AGAP1: variants seen among roughly 807,000 people sequenced by gnomAD.
The protein encoded by AGAP1 is ArfGAP with GTPase domain, ankyrin repeat and PH domain 1.
In AGAP1, 29 loss-of-function variants were observed where a neutral mutation model predicts 105.3. The observed-to-expected ratio is 0.28, with a 90% confidence interval of 0.21 to 0.38. The LOEUF (loss-of-function observed/expected upper bound fraction) is 0.38, where lower values mean the gene tolerates loss of function less well. Ranked by LOEUF, AGAP1 falls within the 10% of genes least tolerant of loss-of-function variation. The pLI, the probability that AGAP1 is intolerant of heterozygous loss-of-function variation, is 1.00. For missense variants in AGAP1, 998 were observed against 1,165.1 expected (o/e 0.86, Z 2.09); for synonymous variants, 509 against 485.9 (o/e 1.05, Z -0.63).
At chr2:235,756,020 A>G (rs6731935) in intron 6 of AGAP1, among the ~76,000 whole-genome samples, 2,552 of 152,336 alleles carry the variant, frequency 0.017, 70 homozygotes, top group African/African-American at 0.055. Flanking sequence ...TATAGGTAGC[A>G]ACAGGGCCCC....
rs1048212465 is a variant in AGAP1 at position 235,747,495 on chromosome 2, G to A, written c.538+2656G>A. Reference sequence around the variant, plus strand: ...GCCCTCCCGGGGTGAGCAGGTAAGCGGGCCCCATGCCCTCCCTGCAGGACT... The same window carrying A: ...GCCCTCCCGGGGTGAGCAGGTAAGCAGGCCCCATGCCCTCCCTGCAGGACT... On this transcript the variant is annotated intron_variant, in intron 5 of 17. Transcript: ENST00000304032. The surrounding 1 kb of genome is among the most constrained non-coding windows in gnomAD (Gnocchi z 5.0). 1.3e-5 allele frequency among the ~76,000 whole-genome samples: 2 copies of A among 151,832 alleles called. No homozygotes were observed. The highest frequency in any genetic ancestry group is 2.4e-5 in the African/African-American group (1 of 41,220).
chr2:236,062,918 C>T lies in AGAP1; in HGVS notation c.2114+13637C>T, dbSNP rs2058241226. On this transcript the variant is annotated intron_variant, in intron 16 of 17. Transcript: ENST00000304032. The surrounding 1 kb of genome is among the most constrained non-coding windows in gnomAD (Gnocchi z 4.2). ...CTCATGATCCACCCACCTTGGCCTCCCAGAGTGCTGGGATTACAAGTATGA... is the reference window on the plus strand; with the variant it reads ...CTCATGATCCACCCACCTTGGCCTCTCAGAGTGCTGGGATTACAAGTATGA... Among the ~76,000 whole-genome samples the T allele has an allele frequency of 6.6e-6, 1 of 151,994 alleles. No individual in the cohort carries two copies. Among genetic ancestry groups the T allele is most frequent in the Non-Finnish European group, 1.5e-5 (1 of 68,006 alleles).
intron 1 of AGAP1, among the ~76,000 whole-genome samples, chr2:235,673,643 C>G (rs1948562995): frequency 6.6e-6 from 1 of 152,166 alleles, no homozygotes; most frequent in Non-Finnish European, 1.5e-5. Context: ...AAAAGAAGTT[C>G]CATTCTCAGA....
At chr2:235,974,957 T>C (rs1396841583) in intron 13 of AGAP1, among the ~76,000 whole-genome samples, 3 of 152,210 alleles carry the variant, frequency 2.0e-5, no homozygotes, top group Non-Finnish European at 4.4e-5. Flanking sequence ...AACGAGGATG[T>C]CAGGCAGAAT....
chr2:235,589,599 C>A (rs538617551), intron 1 of AGAP1, among the ~76,000 whole-genome samples: 1 of 152,132 alleles, frequency 6.6e-6, no homozygotes, highest in African/African-American at 2.4e-5. Flanking sequence ...GGACCATGTC[C>A]GCTCTAGGTG....
At position 236,109,018 on chromosome 2, in the gene AGAP1, C is replaced by G. The variant is rs531749918; in HGVS notation, c.2115-11174C>G. Among the ~76,000 whole-genome samples, 1 of 152,226 alleles carries G rather than the reference C, an allele frequency of 6.6e-6. No individual in the cohort carries two copies. Among genetic ancestry groups the G allele is most frequent in the Admixed American group, 6.5e-5 (1 of 15,290 alleles). On this transcript the variant is annotated intron_variant, in intron 16 of 17. Coordinates refer to ENST00000304032, the MANE Select transcript of AGAP1 (RefSeq NM_001037131.3). The surrounding 1 kb of genome is among the most constrained non-coding windows in gnomAD (Gnocchi z 5.4). ...CTTCCCTGCCAGGACCAAAACACAGCTGATGGTGGCTGTGTGAGACCTCAT... is the reference window on the plus strand; with the variant it reads ...CTTCCCTGCCAGGACCAAAACACAGGTGATGGTGGCTGTGTGAGACCTCAT...
intron 12 of AGAP1, among the ~76,000 whole-genome samples, chr2:235,949,206 C>T (rs1300121165): frequency 6.6e-6 from 1 of 152,144 alleles, no homozygotes; most frequent in Non-Finnish European, 1.5e-5. Flanking sequence ...TCCCTAAACC[C>T]AAAATCCAAA....
rs968935215 is a variant in AGAP1, at chr2:235,927,077, G to A, written c.1325-3688G>A. Among the ~76,000 whole-genome samples the A allele has an allele frequency of 6.6e-6, 1 of 152,164 alleles. No individual in the cohort carries two copies. The highest frequency in any genetic ancestry group is 2.4e-5 in the African/African-American group (1 of 41,424). Reference sequence around the variant, plus strand: ...TGATTGAAAGTTTCACCTTTATCACGGTTTGTCCATGTATACACCTTGATG... The same window carrying A: ...TGATTGAAAGTTTCACCTTTATCACAGTTTGTCCATGTATACACCTTGATG... On this transcript the variant is annotated intron_variant, in intron 11 of 17. Coordinates refer to ENST00000304032, the MANE Select transcript of AGAP1 (RefSeq NM_001037131.3). This position sits in a 1 kb window ranked among gnomAD's most constrained non-coding sequence, Gnocchi z 4.4.
chr2:236,023,880 C>G (rs947450937), intron 13 of AGAP1, among the ~76,000 whole-genome samples: 2 of 152,176 alleles, frequency 1.3e-5, no homozygotes, highest in African/African-American at 4.8e-5. Flanking sequence ...AGAACCTCCT[C>G]TCTCCCCAGG....
rs1394357724 is a variant in AGAP1 at position 235,866,937 on chromosome 2, A to G, written c.1051-16408A>G. Among the ~76,000 whole-genome samples the G allele has an allele frequency of 6.6e-6, 1 of 152,222 alleles. No homozygotes were observed. The highest frequency in any genetic ancestry group is 1.5e-5 in the Non-Finnish European group (1 of 68,036). Reference sequence around the variant, plus strand: ...AGGCCCTGACTCCAAATAGAGTCACATCGTGAGTGCTGGGCGTTAGGATCT... The same window carrying G: ...AGGCCCTGACTCCAAATAGAGTCACGTCGTGAGTGCTGGGCGTTAGGATCT... On this transcript the variant is annotated intron_variant, in intron 9 of 17. Coordinates refer to ENST00000304032, the MANE Select transcript of AGAP1 (RefSeq NM_001037131.3). This position sits in a 1 kb window ranked among gnomAD's most constrained non-coding sequence, Gnocchi z 6.1.
rs749753750 is a variant in AGAP1, at chr2:236,046,626, G to A, written c.1892-2433G>A. On this transcript the variant is annotated intron_variant, in intron 15 of 17. Coordinates refer to ENST00000304032, the MANE Select transcript of AGAP1 (RefSeq NM_001037131.3). This position sits in a 1 kb window ranked among gnomAD's most constrained non-coding sequence, Gnocchi z 5.2. Reference sequence around the variant, plus strand: ...CAACTGAAATGTACGTGGTCGTTGCGTATATAATAATTCAGGAGCCAGGAA... The same window carrying A: ...CAACTGAAATGTACGTGGTCGTTGCATATATAATAATTCAGGAGCCAGGAA... Among the ~76,000 whole-genome samples, 7 of 152,158 alleles carry A rather than the reference G, an allele frequency of 4.6e-5. No homozygotes were observed. The highest frequency in any genetic ancestry group is 5.9e-5 in the Non-Finnish European group (4 of 68,024).
At chr2:235,813,609 C>G (rs1213451003) in intron 9 of AGAP1, among the ~76,000 whole-genome samples, 1 of 152,246 alleles carries the variant, frequency 6.6e-6, no homozygotes. Flanking sequence ...GCATGGGCTC[C>G]GATCCCACAG....
intron 16 of AGAP1, among the ~76,000 whole-genome samples, chr2:236,052,715 TC>T (rs2057939355): frequency 1.3e-5 from 2 of 152,188 alleles, no homozygotes; most frequent in Non-Finnish European, 2.9e-5. Context: ...TGCCATTTTT[TC>T]CCAGTGCATT....
rs977807421 is a variant in AGAP1 at position 236,075,304 on chromosome 2, A to G, written c.2114+26023A>G. On this transcript the variant is annotated intron_variant, in intron 16 of 17. Transcript: ENST00000304032. Reference sequence around the variant, plus strand: ...GTATCCCTAAAAACAGGTAGATTTTATGATATGTAAATTATACCTTAATAC... The same window carrying G: ...GTATCCCTAAAAACAGGTAGATTTTGTGATATGTAAATTATACCTTAATAC... Among the ~76,000 whole-genome samples the G allele has an allele frequency of 6.6e-5, 10 of 152,138 alleles. No individual in the cohort carries two copies. The East Asian group carries it at 1.9e-3, about 29-fold the overall frequency.
intron 9 of AGAP1, among the ~76,000 whole-genome samples, chr2:235,846,381 T>G (rs192567919): frequency 1.9e-4 from 29 of 152,226 alleles, no homozygotes; most frequent in Non-Finnish European, 3.4e-4. Context: ...TGGAGTGCAG[T>G]GGTGCGATGA....
At chr2:235,915,441 G>A (rs551122743) in intron 11 of AGAP1, among the ~76,000 whole-genome samples, 82 of 150,942 alleles carry the variant, frequency 5.4e-4, no homozygotes, top group Non-Finnish European at 1.9e-4. Context: ...TTGAGAGGCT[G>A]AGGCAGGCAG....
At chr2:235,595,862 G>T (rs1945509945) in intron 1 of AGAP1, among the ~76,000 whole-genome samples, 1 of 152,196 alleles carries the variant, frequency 6.6e-6, no homozygotes, top group South Asian at 2.1e-4. Context: ...GCCTTGCTAA[G>T]AACTGTTTAA....
intron 13 of AGAP1, among the ~76,000 whole-genome samples, chr2:236,024,811 T>C (rs1375207560): frequency 6.6e-6 from 1 of 152,254 alleles, no homozygotes; most frequent in African/African-American, 2.4e-5. Flanking sequence ...GTGTTATTAA[T>C]GTCGTTTGGA....
chr2:235,686,654 TATATATATATA>T lies in AGAP1; in HGVS notation c.164-22524_164-22514del, dbSNP rs1559351102. Among the ~76,000 whole-genome samples the T allele has an allele frequency of 9.3e-4, 59 of 63,300 alleles. 1 individual carries two copies. The highest frequency in any genetic ancestry group is 7.4e-3 in the Middle Eastern group (1 of 136). The allele number at this position is 63,300 out of a possible 152,430, so 41.5% of individuals were successfully genotyped here. A position where few individuals can be genotyped will look rare whatever the true frequency, so the allele number is the denominator to read the frequency against. On this transcript the variant is annotated intron_variant, in intron 1 of 17. Coordinates refer to ENST00000304032, the MANE Select transcript of AGAP1 (RefSeq NM_001037131.3). ...ATATATATATATATATAGATATATA[TATATATATATA>T]TTTTTTTTTTTTTTTAGACAGAGTC...
Sources: gnomAD v4.1 joint callset for allele counts (sites outside exome capture counted in the v4.1 genomes callset) on GRCh38, gnomAD v4.1.1 for gene constraint, Gnocchi (gnomAD v3.1) non-coding constraint, MANE v1.5 for transcripts, NCBI Gene and HGNC (gene_info 2026-07-23, HGNC 2026-07-21) for gene names.